GRIK2: variants seen among roughly 807,000 people sequenced by gnomAD.
GRIK2 encodes glutamate receptor ionotropic, kainate 2.
A neutral mutation model predicts 100.3 loss-of-function variants in GRIK2; 32 were observed. That is an observed-to-expected ratio of 0.32 (90% CI 0.24 to 0.43). The LOEUF (loss-of-function observed/expected upper bound fraction) is 0.43. Among genes scored for constraint, GRIK2 ranks in the 20% least tolerant of loss-of-function variants. GRIK2 has a pLI of 1.00. For synonymous variants in GRIK2, 417 were observed against 389.4 expected (o/e 1.07, Z -0.83); for missense variants, 843 against 1,114.9 (o/e 0.76, Z 3.47).
intron 14 of GRIK2, among the ~76,000 whole-genome samples, chr6:101,959,503 T>C (rs1304856206): frequency 6.6e-6 from 1 of 152,154 alleles, no homozygotes; most frequent in Non-Finnish European, 1.5e-5. Context: ...TAACAATCTA[T>C]CAATATTGTT....
At chr6:101,760,678 A>AATTATG (rs1562364723) in intron 7 of GRIK2, among the ~76,000 whole-genome samples, 2 of 84,988 alleles carry the variant, frequency 2.4e-5, no homozygotes, top group Non-Finnish European at 1.9e-5. Context: ...ATAATTATAT[A>AATTATG]TTTAATTATA....
At chr6:101,647,993 A>G (rs1189459115) in intron 4 of GRIK2, among the ~76,000 whole-genome samples, 1 of 151,976 alleles carries the variant, frequency 6.6e-6, no homozygotes, top group Non-Finnish European at 1.5e-5. Flanking sequence ...TACCCAGTAG[A>G]TGTTAGTAGT....
chr6:101,654,028 TAAACTG>T (rs1781942018), intron 4 of GRIK2, among the ~76,000 whole-genome samples: 2 of 152,202 alleles, frequency 1.3e-5, no homozygotes, highest in Admixed American at 6.5e-5. Context: ...TCTCCTCGTT[TAAACTG>T]TGAGGTCTCT....
chr6:101,441,650 G>C (rs961618748), intron 2 of GRIK2, among the ~76,000 whole-genome samples: 1 of 152,006 alleles, frequency 6.6e-6, no homozygotes, highest in Non-Finnish European at 1.5e-5. Flanking sequence ...TCAACTGTTA[G>C]TTTAGGTTCC....
chr6:101,883,813 G>C (rs139423995), intron 11 of GRIK2, among the ~76,000 whole-genome samples: 20 of 152,290 alleles, frequency 1.3e-4, no homozygotes, highest in African/African-American at 4.8e-4. Flanking sequence ...GGCAGACAGA[G>C]TTGTTGAAAC....
intron 14 of GRIK2, among the ~76,000 whole-genome samples, chr6:101,989,909 C>T (rs1454733510): frequency 6.6e-6 from 1 of 151,366 alleles, no homozygotes; most frequent in Admixed American, 6.6e-5. Flanking sequence ...TAAAAGCACT[C>T]ATTTACTAAA....
At chr6:101,548,457 T>G (rs541159919) in intron 2 of GRIK2, among the ~76,000 whole-genome samples, 1 of 152,214 alleles carries the variant, frequency 6.6e-6, no homozygotes, top group Non-Finnish European at 1.5e-5. Context: ...GTTTTAGGTC[T>G]AACGTTTAAG....
chr6:101,845,796 T>C (rs9390788), intron 10 of GRIK2, among the ~76,000 whole-genome samples: 16,849 of 152,196 alleles, frequency 0.11, 1,981 homozygotes, highest in East Asian at 0.66. Flanking sequence ...ATGAAGGTTC[T>C]ATTTTCTCTA....
intron 7 of GRIK2, among the ~76,000 whole-genome samples, chr6:101,688,597 C>T (rs192132286): frequency 6.6e-6 from 1 of 152,024 alleles, no homozygotes; most frequent in East Asian, 1.9e-4. Context: ...TATTCCTCTT[C>T]TGCTTTTCCC....
intron 7 of GRIK2, among the ~76,000 whole-genome samples, chr6:101,723,286 A>G (rs1033905979): frequency 6.6e-6 from 1 of 152,030 alleles, no homozygotes; most frequent in East Asian, 1.9e-4. Context: ...CAAAAGTAAA[A>G]TGTTCATATA....
At chr6:101,569,233 T>C (rs1777424228) in intron 2 of GRIK2, among the ~76,000 whole-genome samples, 1 of 152,100 alleles carries the variant, frequency 6.6e-6, no homozygotes, top group South Asian at 2.1e-4. Flanking sequence ...CTTTTTAGTA[T>C]TGAAAAGTAT....
At chr6:101,574,417 A>T (rs1777704002) in intron 2 of GRIK2, among the ~76,000 whole-genome samples, 1 of 149,430 alleles carries the variant, frequency 6.7e-6, no homozygotes, top group Non-Finnish European at 1.5e-5. Flanking sequence ...TTTATACAAC[A>T]GTTATGTATG....
rs574793619 is a variant in GRIK2 at position 101,985,689 on chromosome 6, G to A, written c.2086-49652G>A. Among the ~76,000 whole-genome samples the A allele has an allele frequency of 2.6e-5, 4 of 151,898 alleles. No homozygotes were observed. In the South Asian group the frequency reaches 8.3e-4, roughly 32 times the overall value. ...ATAATCACTGGGTGGGATAAAATGT[G>A]AAGGTATAATCCAGAATAGTCTTAA... On this transcript the variant is annotated intron_variant, in intron 14 of 16. Transcript: ENST00000369134.
chr6:101,865,315 A>G (rs1391922981), intron 11 of GRIK2, among the ~76,000 whole-genome samples: 1 of 152,208 alleles, frequency 6.6e-6, no homozygotes, highest in East Asian at 1.9e-4. Flanking sequence ...ATTTAATATT[A>G]TCAAGCCTTT....
At chr6:101,746,317 G>A (rs1562353044) in intron 7 of GRIK2, among the ~76,000 whole-genome samples, 1 of 151,990 alleles carries the variant, frequency 6.6e-6, no homozygotes, top group Admixed American at 6.6e-5. Flanking sequence ...TTAACATCCT[G>A]CTACCTTCAA....
rs962585482 is a variant in GRIK2, at chr6:102,038,662, A to C, written c.2311+3096A>C. 3.0e-3 allele frequency among the ~76,000 whole-genome samples: 457 copies of C among 151,492 alleles called. 2 individuals are homozygous for C. The highest frequency in any genetic ancestry group is 0.011 in the African/African-American group (443 of 41,482). ...GTACTTAATTATAAACAACAACAAA[A>C]AAAAGGAATTCATTAAGGTGTGAAA... On this transcript the variant is annotated intron_variant, in intron 15 of 16. Coordinates refer to ENST00000369134, the MANE Select transcript of GRIK2 (RefSeq NM_021956.5).
intron 14 of GRIK2, among the ~76,000 whole-genome samples, chr6:101,939,656 C>T (rs2852588): frequency 0.034 from 5,214 of 152,104 alleles, 320 homozygotes; most frequent in African/African-American, 0.12. Flanking sequence ...TCTTTTAAAA[C>T]GGATTTTATT....
intron 7 of GRIK2, among the ~76,000 whole-genome samples, chr6:101,779,252 A>G (rs556573393): frequency 8.5e-4 from 129 of 152,298 alleles, no homozygotes; most frequent in Non-Finnish European, 1.6e-3. Context: ...TTCTGTGGCA[A>G]TGGCTCAGCC....
intron 4 of GRIK2, among the ~76,000 whole-genome samples, chr6:101,645,971 G>A (rs112238425): frequency 0.012 from 1,798 of 151,688 alleles, 42 homozygotes; most frequent in African/African-American, 0.042. Context: ...AAATTCTATC[G>A]CCACCTAGTG....
Sources: gnomAD v4.1 joint callset for allele counts (sites outside exome capture counted in the v4.1 genomes callset) on GRCh38, gnomAD v4.1.1 for gene constraint, MANE v1.5 for transcripts, NCBI Gene and HGNC (gene_info 2026-07-23, HGNC 2026-07-21) for gene names.